Variants in LDLRAD3 observed in about 807,000 individuals in gnomAD.
LDLRAD3 encodes low density lipoprotein receptor class A domain containing 3, also known as low-density lipoprotein receptor class A domain-containing protein 3.
Under a neutral mutation model 29.4 loss-of-function variants are expected in LDLRAD3, and 20 were observed. The observed-to-expected ratio is 0.68, with a 90% CI of 0.48 to 0.99. The LOEUF (loss-of-function observed/expected upper bound fraction) is 0.99. Among genes scored for constraint, LDLRAD3 ranks in the 50% least tolerant of loss-of-function variants. The probability of loss-of-function intolerance (pLI) is 0.00; values close to 1 mark genes in which losing one functional copy is unlikely to be tolerated. For synonymous variants in LDLRAD3, 157 were observed against 192.7 expected (o/e 0.81, Z 1.53); for missense variants, 420 against 454.3 (o/e 0.92, Z 0.69).
Position 35,944,275 on chromosome 11 carries a change from G to C in LDLRAD3, c.46+131G>C, listed in dbSNP as rs1590670611. ...CCGGGCGTGGGTGAGCGCGGAGGGCGGACCCCGGCGCCGGGCTGGCCCGGA... is the reference window on the plus strand; with the variant it reads ...CCGGGCGTGGGTGAGCGCGGAGGGCCGACCCCGGCGCCGGGCTGGCCCGGA... On this transcript the variant is annotated intron_variant, in intron 1 of 5. Coordinates refer to ENST00000315571, the MANE Select transcript of LDLRAD3 (RefSeq NM_174902.4). The surrounding 1 kb of genome is among the most constrained non-coding windows in gnomAD (Gnocchi z 4.9). 3 of 457,596 alleles carry C rather than the reference G, an allele frequency of 6.6e-6. No homozygotes were observed. The highest frequency in any genetic ancestry group is 2.1e-5 in the African/African-American group (1 of 47,092). 28.3% of individuals were successfully genotyped at this position (457,596 alleles called of 1,614,324 possible).
intron 1 of LDLRAD3, among the ~76,000 whole-genome samples, chr11:36,025,422 T>C (rs1244128708): frequency 6.8e-6 from 1 of 147,950 alleles, no homozygotes; most frequent in Non-Finnish European, 1.5e-5. Context: ...GGAGTCTCGC[T>C]CTCTCTCCCA....
chr11:36,017,458 A>G (rs1269134925), intron 1 of LDLRAD3, among the ~76,000 whole-genome samples: 1 of 151,792 alleles, frequency 6.6e-6, no homozygotes, highest in African/African-American at 2.4e-5. Context: ...TGACTGGACT[A>G]CTTTCACCTC....
intron 4 of LDLRAD3, among the ~76,000 whole-genome samples, chr11:36,108,620 A>G (rs1393196271): frequency 6.6e-6 from 1 of 152,016 alleles, no homozygotes; most frequent in Non-Finnish European, 1.5e-5. Flanking sequence ...GATGGGGAAG[A>G]GTTACTGGAC....
chr11:36,194,598 G>A (rs1302290859), intron 4 of LDLRAD3, among the ~76,000 whole-genome samples: 4 of 152,112 alleles, frequency 2.6e-5, no homozygotes, highest in African/African-American at 4.8e-5. Flanking sequence ...ATTCTCCATG[G>A]GTTCATGGTT....
chr11:35,984,084 C>T (rs574179279), intron 1 of LDLRAD3, among the ~76,000 whole-genome samples: 1 of 152,210 alleles, frequency 6.6e-6, no homozygotes, highest in South Asian at 2.1e-4. Context: ...AAATAGATTG[C>T]TCCATTTTTG....
chr11:36,105,546 T>G (rs1047367568), intron 4 of LDLRAD3, among the ~76,000 whole-genome samples: 1 of 152,108 alleles, frequency 6.6e-6, no homozygotes, highest in African/African-American at 2.4e-5. Context: ...ACTGGAGTTG[T>G]GTGGGGCTCT....
intron 1 of LDLRAD3, among the ~76,000 whole-genome samples, chr11:36,029,807 G>A (rs1852213158): frequency 1.3e-5 from 2 of 152,120 alleles, no homozygotes; most frequent in South Asian, 4.2e-4. Context: ...ACCCTTGTAG[G>A]AGAAACAACC....
At chr11:36,041,543 A>C (rs1367946156) in intron 2 of LDLRAD3, among the ~76,000 whole-genome samples, 1 of 152,216 alleles carries the variant, frequency 6.6e-6, no homozygotes, top group Non-Finnish European at 1.5e-5. Flanking sequence ...TATAGAAATG[A>C]ATATTTACAT....
At chr11:36,144,891 G>A (rs1854154752) in intron 4 of LDLRAD3, among the ~76,000 whole-genome samples, 1 of 110,888 alleles carries the variant, frequency 9.0e-6, no homozygotes, top group Non-Finnish European at 2.0e-5. Context: ...CGCCCCGTCC[G>A]GGAGGTGAGG....
intron 4 of LDLRAD3, among the ~76,000 whole-genome samples, chr11:36,199,378 A>G (rs1855083967): frequency 6.6e-6 from 1 of 152,220 alleles, no homozygotes; most frequent in Admixed American, 6.5e-5. Context: ...ACCTTTATAG[A>G]AGATACTTCT....
At chr11:36,204,131 T>A (rs1254432784) in intron 4 of LDLRAD3, among the ~76,000 whole-genome samples, 4 of 152,206 alleles carry the variant, frequency 2.6e-5, no homozygotes, top group Non-Finnish European at 5.9e-5. Flanking sequence ...ATTTGGGGGC[T>A]GAATGTATTT....
At chr11:36,098,212 A>T in intron 3 of LDLRAD3, 115 bp from the exon 4 acceptor site, 3 of 1,269,508 alleles carry the variant, frequency 2.4e-6, no homozygotes, top group Non-Finnish European at 3.3e-6. Flanking sequence ...CTGCCAGCTT[A>T]GAAGATAAGC....
intron 4 of LDLRAD3, among the ~76,000 whole-genome samples, chr11:36,209,519 C>T (rs552799147): frequency 6.6e-6 from 1 of 151,888 alleles, no homozygotes; most frequent in Non-Finnish European, 1.5e-5. Flanking sequence ...GCCAGCATGC[C>T]TGGCTAATTT....
chr11:36,163,019 C>T (rs1310339522), intron 4 of LDLRAD3, among the ~76,000 whole-genome samples: 1 of 152,246 alleles, frequency 6.6e-6, no homozygotes, highest in African/African-American at 2.4e-5. Context: ...AAACAAAGAT[C>T]TGCTCACTGC....
At chr11:36,018,954 T>C (rs1852057085) in intron 1 of LDLRAD3, among the ~76,000 whole-genome samples, 2 of 152,200 alleles carry the variant, frequency 1.3e-5, no homozygotes, top group South Asian at 4.1e-4. Flanking sequence ...ATTAGGGACA[T>C]AGAGGATTGT....
intron 4 of LDLRAD3, among the ~76,000 whole-genome samples, chr11:36,179,928 G>A (rs1467492353): frequency 6.6e-6 from 1 of 152,144 alleles, no homozygotes; most frequent in South Asian, 2.1e-4. Context: ...AACCCAGATC[G>A]AGGCCATAGT....
Position 36,230,488 on chromosome 11 carries a change from C to G in LDLRAD3, c.*1091C>G, listed in dbSNP as rs1855560717. On this transcript the variant is annotated 3_prime_UTR_variant, in exon 6 of 6. Coordinates refer to ENST00000315571, the MANE Select transcript of LDLRAD3 (RefSeq NM_174902.4). The stretch of plus-strand genomic sequence containing the variant: ...CAGCAAGCTCTCCTGGCTCCCTGCA[C>G]TGTGCACGCTCCTCTTCCCAAGGTC... 6.5e-6 allele frequency: 1 copy of G among 152,782 alleles called. No homozygotes were observed. The highest frequency in any genetic ancestry group is 2.4e-5 in the African/African-American group (1 of 41,450). The allele number at this position is 152,782 out of a possible 1,614,324, so 9.5% of individuals were successfully genotyped here.
chr11:36,021,407 G>A (rs1852094557), intron 1 of LDLRAD3, among the ~76,000 whole-genome samples: 1 of 152,180 alleles, frequency 6.6e-6, no homozygotes, highest in Non-Finnish European at 1.5e-5. Context: ...GGGAGGCAGA[G>A]GAAGAGAAGA....
chr11:36,050,272 G>A (rs59459570), intron 2 of LDLRAD3, among the ~76,000 whole-genome samples: 12,498 of 152,256 alleles, frequency 0.082, 848 homozygotes, highest in African/African-American at 0.16. Flanking sequence ...AGCTGTATGT[G>A]TGTTCCTGAG....
Sources: gnomAD v4.1 joint callset for allele counts (sites outside exome capture counted in the v4.1 genomes callset) on GRCh38, gnomAD v4.1.1 for gene constraint, Gnocchi (gnomAD v3.1) non-coding constraint, MANE v1.5 for transcripts, NCBI Gene and HGNC (gene_info 2026-07-23, HGNC 2026-07-21) for gene names.